The following PRKG1 variants were observed in gnomAD, a reference collection of about 807,000 sequenced individuals.
The protein encoded by PRKG1 is cGMP-dependent protein kinase 1.
PRKG1 carries 35 observed loss-of-function variants against 88.1 expected under a neutral mutation model. That is an observed-to-expected ratio of 0.40 (90% CI 0.30 to 0.53). The LOEUF is 0.53. Among genes scored for constraint, PRKG1 ranks in the 20% least tolerant of loss-of-function variants. The pLI is 0.59. For missense variants in PRKG1, 540 were observed against 839.8 expected (o/e 0.64, Z 4.41); for synonymous variants, 303 against 292.5 (o/e 1.04, Z -0.37).
At chr10:52,101,840 T>A (rs890453307) in intron 7 of PRKG1, among the ~76,000 whole-genome samples, 4 of 152,302 alleles carry the variant, frequency 2.6e-5, no homozygotes, top group Admixed American at 2.6e-4. Flanking sequence ...ATATATTATC[T>A]TTTAGTTCTG....
At chr10:51,468,005 T>C in intron 3 of PRKG1, 169 bp downstream of exon 3, 1 of 597,028 alleles carries the variant, frequency 1.7e-6, no homozygotes, top group Non-Finnish European at 3.0e-6. Flanking sequence ...AAGGTGATTG[T>C]TAACAATCAG....
At chr10:51,415,438 GC>G (rs2132696067) in intron 2 of PRKG1, among the ~76,000 whole-genome samples, 1 of 152,088 alleles carries the variant, frequency 6.6e-6, no homozygotes, top group African/African-American at 2.4e-5. Context: ...TGTTGGGGAG[GC>G]TCCCAAAATT....
intron 5 of PRKG1, among the ~76,000 whole-genome samples, chr10:52,042,366 T>A (rs1170384671): frequency 6.6e-6 from 1 of 152,070 alleles, no homozygotes; most frequent in Non-Finnish European, 1.5e-5. Flanking sequence ...GGTACTAGCA[T>A]AAAAACGGAT....
intron 7 of PRKG1, among the ~76,000 whole-genome samples, chr10:52,106,498 A>G (rs1427658373): frequency 6.6e-6 from 1 of 152,114 alleles, no homozygotes; most frequent in African/African-American, 2.4e-5. Context: ...AGCATCGCAC[A>G]GCATGTTAAG....
intron 1 of PRKG1, among the ~76,000 whole-genome samples, chr10:51,040,309 CTCTTTTTTT>C (rs1843404178): frequency 1.5e-5 from 1 of 65,708 alleles, no homozygotes; most frequent in African/African-American, 4.7e-5. Flanking sequence ...TTTTCTTTTT[CTCTTTTTTT>C]TTTTTTTTTT....
In PRKG1 at chr10:51,579,754, A is replaced by G. The variant is rs1837982577; in HGVS notation, c.592+111918A>G. Among the ~76,000 whole-genome samples the G allele has an allele frequency of 2.0e-5, 3 of 152,120 alleles. No individual in the cohort carries two copies. The South Asian group carries it at 6.2e-4, about 31-fold the overall frequency. ...ATTTCCATTTAATTTATAAATGTTGATATTTGTGTCAATAAAGTTCTCCTA... is the reference window on the plus strand; with the variant it reads ...ATTTCCATTTAATTTATAAATGTTGGTATTTGTGTCAATAAAGTTCTCCTA... On this transcript the variant is annotated intron_variant, in intron 3 of 17. Coordinates refer to ENST00000373980, the MANE Select transcript of PRKG1 (RefSeq NM_006258.4).
chr10:51,416,538 A>C (rs1047797642), intron 2 of PRKG1, among the ~76,000 whole-genome samples: 9 of 152,218 alleles, frequency 5.9e-5, no homozygotes, highest in African/African-American at 2.2e-4. Context: ...AAACTATGCC[A>C]CCGGGACACA....
intron 7 of PRKG1, among the ~76,000 whole-genome samples, chr10:52,066,785 T>G (rs757934389): frequency 1.3e-5 from 2 of 152,202 alleles, no homozygotes; most frequent in Non-Finnish European, 2.9e-5. Flanking sequence ...GTAATCTGAT[T>G]TTTTAAAAAA....
At chr10:51,372,714 TAA>T (rs34612049) in intron 2 of PRKG1, among the ~76,000 whole-genome samples, 17,851 of 152,198 alleles carry the variant, frequency 0.12, 1,308 homozygotes, top group African/African-American at 0.2. Context: ...TCAAATTTGC[TAA>T]GAGGGCTTTG....
At chr10:51,267,180 A>G (rs1427269954) in intron 2 of PRKG1, among the ~76,000 whole-genome samples, 2 of 152,180 alleles carry the variant, frequency 1.3e-5, no homozygotes, top group Non-Finnish European at 2.9e-5. Flanking sequence ...GTATTTCCAA[A>G]AACAACATGG....
intron 2 of PRKG1, among the ~76,000 whole-genome samples, chr10:51,388,452 T>A (rs1191607172): frequency 6.6e-6 from 1 of 152,210 alleles, no homozygotes; most frequent in East Asian, 1.9e-4. Context: ...TTTTTAAATT[T>A]TCTGTCCATG....
At chr10:51,822,139 T>C (rs151182262) in intron 4 of PRKG1, among the ~76,000 whole-genome samples, 40 of 152,192 alleles carry the variant, frequency 2.6e-4, no homozygotes, top group South Asian at 1.2e-3. Context: ...TATGTATGTA[T>C]GTCATATGTA....
intron 3 of PRKG1, among the ~76,000 whole-genome samples, chr10:51,479,794 TTCTA>T (rs1840303261): frequency 9.5e-6 from 1 of 104,750 alleles, no homozygotes; most frequent in Non-Finnish European, 2.2e-5. Context: ...ATTGGTGTCT[TTCTA>T]AAGATATGTT....
intron 3 of PRKG1, among the ~76,000 whole-genome samples, chr10:51,619,064 A>T (rs1351555737): frequency 6.6e-6 from 1 of 151,594 alleles, no homozygotes; most frequent in Non-Finnish European, 1.5e-5. Flanking sequence ...GGCGTAAGCC[A>T]CCATGGCTGG....
intron 5 of PRKG1, among the ~76,000 whole-genome samples, chr10:51,964,226 C>T (rs1843514776): frequency 6.6e-6 from 1 of 152,132 alleles, no homozygotes; most frequent in African/African-American, 2.4e-5. Context: ...AATCCCTCCA[C>T]CTCAAGATTC....
At chr10:51,892,088 C>T (rs1363372650) in intron 4 of PRKG1, among the ~76,000 whole-genome samples, 1 of 152,178 alleles carries the variant, frequency 6.6e-6, no homozygotes, top group African/African-American at 2.4e-5. Context: ...CTTGTCACCT[C>T]AGCCTAAACC....
chr10:51,527,663 T>C (rs1401454320), intron 3 of PRKG1, among the ~76,000 whole-genome samples: 4 of 152,178 alleles, frequency 2.6e-5, no homozygotes, highest in African/African-American at 9.6e-5. Context: ...GCGATTCAAT[T>C]TTCTAGCGCT....
At chr10:52,115,240 T>G (rs992438822) in intron 7 of PRKG1, among the ~76,000 whole-genome samples, 2 of 119,416 alleles carry the variant, frequency 1.7e-5, no homozygotes, top group Admixed American at 8.5e-5. Context: ...GGTAATCCTG[T>G]TTTTTTTTAA....
At chr10:51,722,740 ATATATT>A (rs1164679389) in intron 3 of PRKG1, among the ~76,000 whole-genome samples, 1 of 152,244 alleles carries the variant, frequency 6.6e-6, no homozygotes, top group Non-Finnish European at 1.5e-5. Flanking sequence ...ATACAAATAC[ATATATT>A]TATATTTAGA....
Sources: gnomAD v4.1 joint callset for allele counts (sites outside exome capture counted in the v4.1 genomes callset) on GRCh38, gnomAD v4.1.1 for gene constraint, MANE v1.5 for transcripts, NCBI Gene and HGNC (gene_info 2026-07-23, HGNC 2026-07-21) for gene names.